SHANK2: variants seen among roughly 807,000 people sequenced by gnomAD.
SHANK2 encodes the protein SH3 and multiple ankyrin repeat domains protein 2.
In SHANK2, 43 loss-of-function variants were observed where a neutral mutation model predicts 133.7. That is an observed-to-expected ratio of 0.32 (90% CI 0.25 to 0.41). The LOEUF is 0.41. SHANK2 is among the 10% of genes least tolerant of loss of function. SHANK2 has a pLI of 1.00. For missense variants in SHANK2, 1,994 were observed against 2,235.8 expected, an observed-to-expected ratio of 0.89 and a Z score of 2.18; for synonymous variants, 1,017 against 952.8, an observed-to-expected ratio of 1.07 and a Z score of -1.24.
chr11:70,738,353 C>CCATA (rs1221617005), intron 14 of SHANK2, among the ~76,000 whole-genome samples: 3 of 152,260 alleles, frequency 2.0e-5, no homozygotes, highest in Non-Finnish European at 4.4e-5. Flanking sequence ...CCAACCCCAA[C>CCATA]CATAAACACT....
At chr11:71,094,469 A>G (rs1404771891) in intron 7 of SHANK2, 68 bp downstream of exon 7, 1 of 1,472,316 alleles carries the variant, frequency 6.8e-7, no homozygotes, top group African/African-American at 1.4e-5. Context: ...CACTGCGGGG[A>G]TGGGATGGGG....
chr11:70,780,305 G>A (rs1947453453), intron 14 of SHANK2, among the ~76,000 whole-genome samples: 2 of 152,148 alleles, frequency 1.3e-5, no homozygotes. Flanking sequence ...GGGGAAGGGA[G>A]AGGCCCTGGG....
intron 2 of SHANK2, among the ~76,000 whole-genome samples, chr11:71,166,178 C>T (rs1223276341): frequency 6.6e-6 from 1 of 152,168 alleles, no homozygotes; most frequent in Non-Finnish European, 1.5e-5. Flanking sequence ...AAGCAGGTGC[C>T]GTCCAGGTAC....
chr11:70,521,018 G>T (rs1431755356), intron 17 of SHANK2, among the ~76,000 whole-genome samples: 1 of 152,134 alleles, frequency 6.6e-6, no homozygotes, highest in East Asian at 1.9e-4. Context: ...TCCTCACACT[G>T]GCTCCTGAGC....
intron 17 of SHANK2, among the ~76,000 whole-genome samples, chr11:70,574,301 C>T (rs2060088610): frequency 6.6e-6 from 1 of 152,232 alleles, no homozygotes. Context: ...CTCCCCACAG[C>T]CTGCTGGGAA....
At chr11:70,513,702 A>C (rs1288985135) in intron 17 of SHANK2, among the ~76,000 whole-genome samples, 1 of 152,244 alleles carries the variant, frequency 6.6e-6, no homozygotes, top group Non-Finnish European at 1.5e-5. Flanking sequence ...GGAAATTTTA[A>C]AAAGAATTAT....
At position 70,887,312 on chromosome 11, in the gene SHANK2, A is replaced by G. The variant is rs560767789; in HGVS notation, c.1174+9189T>C. Among the ~76,000 whole-genome samples the G allele has an allele frequency of 2.6e-4, 39 of 152,044 alleles. 2 individuals are homozygous for G. The highest frequency in any genetic ancestry group is 2.5e-3 in the Admixed American group (38 of 15,262). ...TGGTATTCACGTCCACATTTAAACCATCACTTTCTTCGAGTTGGCAAATAA... is the reference window on the plus strand; with the variant it reads ...TGGTATTCACGTCCACATTTAAACCGTCACTTTCTTCGAGTTGGCAAATAA... On this transcript the variant is annotated intron_variant, in intron 11 of 25. Coordinates refer to ENST00000601538, the MANE Select transcript of SHANK2 (RefSeq NM_012309.5).
At chr11:70,476,255 A>C (rs2058662498) in intron 25 of SHANK2, among the ~76,000 whole-genome samples, 1 of 151,894 alleles carries the variant, frequency 6.6e-6, no homozygotes, top group Non-Finnish European at 1.5e-5. Flanking sequence ...CAATAAAAAA[A>C]CCCCCAAAAA....
intron 13 of SHANK2, among the ~76,000 whole-genome samples, chr11:70,803,751 T>C (rs1473367180): frequency 2.7e-5 from 4 of 146,074 alleles, no homozygotes; most frequent in African/African-American, 7.7e-5. Flanking sequence ...TAAAGAACTA[T>C]CGGGAGTGGA....
chr11:70,842,106 A>G (rs1282719467), intron 11 of SHANK2, among the ~76,000 whole-genome samples: 1 of 152,262 alleles, frequency 6.6e-6, no homozygotes, highest in Non-Finnish European at 1.5e-5. Context: ...ATGCTTGTTC[A>G]AATCACGAAC....
rs201831418 is a variant in SHANK2 at position 71,211,537 on chromosome 11, C to CA, written c.-13+13159dup. Among the ~76,000 whole-genome samples the CA allele has an allele frequency of 7.2e-3, 970 of 134,546 alleles. 9 individuals carry two copies. The highest frequency in any genetic ancestry group is 0.026 in the African/African-American group (927 of 35,902). 88.3% of individuals were successfully genotyped at this position (134,546 alleles called of 152,430 possible). A position where few individuals can be genotyped will look rare whatever the true frequency, so the allele number is the denominator to read the frequency against. ...TGGGCAACAAAGCAAGATCCTGTCT[C>CA]AAAAAAAAATAAATAAATACAATAA... On this transcript the variant is annotated intron_variant, in intron 2 of 25. Transcript: ENST00000601538.
chr11:70,930,836 G>GTTT (rs375465175), intron 10 of SHANK2, among the ~76,000 whole-genome samples: 21 of 140,490 alleles, frequency 1.5e-4, no homozygotes, highest in African/African-American at 7.9e-5. Flanking sequence ...ACACCCAGCG[G>GTTT]TTTTTTTTTT....
chr11:70,636,596 T>G (rs1346564975), intron 17 of SHANK2, among the ~76,000 whole-genome samples: 6 of 151,088 alleles, frequency 4.0e-5, no homozygotes, highest in African/African-American at 1.5e-4. Flanking sequence ...TCTGTGTGAG[T>G]GTATGAGTGT....
chr11:70,531,997 G>A (rs782687125), intron 17 of SHANK2, among the ~76,000 whole-genome samples: 10 of 152,208 alleles, frequency 6.6e-5, no homozygotes, highest in Non-Finnish European at 1.2e-4. Flanking sequence ...CCCTCTCTAG[G>A]ACAGAGGCTG....
intron 6 of SHANK2, among the ~76,000 whole-genome samples, chr11:71,100,120 T>TGCTGGGGAGGATGTGG (rs1214256909): frequency 1.3e-5 from 2 of 150,668 alleles, no homozygotes; most frequent in Non-Finnish European, 2.9e-5. Flanking sequence ...CAACACCAAA[T>TGCTGGGGAGGATGTGG]GCTGGGGAGG....
At chr11:70,608,917 C>G (rs1035814009) in intron 17 of SHANK2, among the ~76,000 whole-genome samples, 34 of 152,224 alleles carry the variant, frequency 2.2e-4, no homozygotes, top group Admixed American at 9.2e-4. Flanking sequence ...TTTTGAATAA[C>G]GAGATAATGG....
intron 17 of SHANK2, among the ~76,000 whole-genome samples, chr11:70,593,631 C>T (rs1554988636): frequency 6.6e-6 from 1 of 152,216 alleles, no homozygotes; most frequent in Non-Finnish European, 1.5e-5. Flanking sequence ...CAACCAACTC[C>T]TGTTGAGTGA....
At chr11:71,232,835 T>A (rs1286207418) in intron 1 of SHANK2, among the ~76,000 whole-genome samples, 3 of 152,316 alleles carry the variant, frequency 2.0e-5, no homozygotes, top group Non-Finnish European at 4.4e-5. Flanking sequence ...ATACCTGGAC[T>A]TTTGACTGTG....
chr11:70,662,427 G>A (rs374981380), intron 15 of SHANK2, among the ~76,000 whole-genome samples: 4 of 152,324 alleles, frequency 2.6e-5, no homozygotes, highest in East Asian at 1.9e-4. Context: ...GGCGGGGAGG[G>A]GGAGCGGCTG....
Sources: gnomAD v4.1 joint callset for allele counts (sites outside exome capture counted in the v4.1 genomes callset) on GRCh38, gnomAD v4.1.1 for gene constraint, MANE v1.5 for transcripts, NCBI Gene and HGNC (gene_info 2026-07-23, HGNC 2026-07-21) for gene names.